The following CACNB2 variants were observed in gnomAD, a reference collection of about 807,000 sequenced individuals.
CACNB2 encodes the protein calcium voltage-gated channel auxiliary subunit beta 2.
A neutral mutation model predicts 73.3 loss-of-function variants in CACNB2; 42 were observed. The ratio of observed to expected loss-of-function variants is 0.57; its 90% confidence interval spans 0.45 to 0.74. The LOEUF (loss-of-function observed/expected upper bound fraction) is 0.74. Ranked by LOEUF, CACNB2 falls within the 30% of genes least tolerant of loss-of-function variation. CACNB2 has a pLI of 0.00. For missense variants in CACNB2, 940 were observed against 853.0 expected, an observed-to-expected ratio of 1.10 and a Z score of -1.27; for synonymous variants, 348 against 310.3, an observed-to-expected ratio of 1.12 and a Z score of -1.28.
chr10:18,510,160 A>G (rs754997770), intron 6 of CACNB2, among the ~76,000 whole-genome samples: 2 of 152,186 alleles, frequency 1.3e-5, no homozygotes, highest in Non-Finnish European at 2.9e-5. Context: ...AAATGTCAGA[A>G]CTAGTACATT....
At chr10:18,276,804 C>T (rs1445177574) in intron 2 of CACNB2, among the ~76,000 whole-genome samples, 1 of 152,148 alleles carries the variant, frequency 6.6e-6, no homozygotes, top group African/African-American at 2.4e-5. Flanking sequence ...GTCTTGAACT[C>T]CTGACCTCAG....
chr10:18,269,329 T>C (rs375406486), intron 2 of CACNB2, among the ~76,000 whole-genome samples: 2 of 152,198 alleles, frequency 1.3e-5, no homozygotes, highest in African/African-American at 2.4e-5. Flanking sequence ...TCCCACTGTC[T>C]AAAACACTTT....
intron 2 of CACNB2, chr10:18,151,309 T>C: frequency 4.1e-6 from 1 of 243,356 alleles, no homozygotes; most frequent in Non-Finnish European, 7.8e-6. Flanking sequence ...AGAGCTGATG[T>C]GCATCTGTAT....
At chr10:18,154,796 A>C (rs774065930) in intron 2 of CACNB2, among the ~76,000 whole-genome samples, 3 of 152,170 alleles carry the variant, frequency 2.0e-5, no homozygotes, top group African/African-American at 7.2e-5. Flanking sequence ...CAAAAAGAGA[A>C]TGAGGTTGCA....
At chr10:18,536,963 A>T (rs1753886200) in intron 12 of CACNB2, among the ~76,000 whole-genome samples, 1 of 152,120 alleles carries the variant, frequency 6.6e-6, no homozygotes, top group Non-Finnish European at 1.5e-5. Flanking sequence ...CTTTACATGC[A>T]ATGCCTTGAG....
At chr10:18,443,004 A>ATGTG (rs1564554194) in intron 3 of CACNB2, among the ~76,000 whole-genome samples, 1 of 22,366 alleles carries the variant, frequency 4.5e-5, no homozygotes, top group East Asian at 1.7e-3. Context: ...ATATGTGTAT[A>ATGTG]TATATATATG....
At chr10:18,409,623 A>G (rs190078434) in intron 3 of CACNB2, among the ~76,000 whole-genome samples, 124 of 152,350 alleles carry the variant, frequency 8.1e-4, no homozygotes, top group African/African-American at 2.7e-3. Flanking sequence ...TAAGAGGAAG[A>G]CATTGTAAAG....
intron 2 of CACNB2, among the ~76,000 whole-genome samples, chr10:18,303,395 C>A (rs1359561696): frequency 6.6e-6 from 1 of 152,044 alleles, no homozygotes; most frequent in Non-Finnish European, 1.5e-5. Context: ...TTCCCAGCCG[C>A]TCAGGGGGCT....
intron 9 of CACNB2, among the ~76,000 whole-genome samples, chr10:18,521,193 A>T (rs1298314492): frequency 1.3e-5 from 2 of 152,248 alleles, no homozygotes; most frequent in African/African-American, 4.8e-5. Flanking sequence ...GCATATAAGT[A>T]AAAGGGCAAC....
intron 3 of CACNB2, among the ~76,000 whole-genome samples, chr10:18,449,277 C>T (rs540366418): frequency 1.3e-5 from 2 of 151,886 alleles, no homozygotes; most frequent in Non-Finnish European, 2.9e-5. Flanking sequence ...CCCAGCTACT[C>T]GGGAGGCTGA....
Position 18,414,377 on chromosome 10 carries a change from A to G in CACNB2, c.333+12334A>G, listed in dbSNP as rs577155871. Among the ~76,000 whole-genome samples the G allele has an allele frequency of 6.1e-4, 93 of 151,520 alleles. 2 individuals are homozygous for G. In the South Asian group the frequency reaches 0.018, roughly 30 times the overall value. The stretch of plus-strand genomic sequence containing the variant: ...TTGCTCTCTGTTTATTTATGGTTAT[A>G]TTTATCTTGGCAATCGACCTGTTAA... On this transcript the variant is annotated intron_variant, in intron 3 of 13. Coordinates refer to ENST00000324631, the MANE Select transcript of CACNB2 (RefSeq NM_201596.3).
chr10:18,399,008 G>A (rs1472931235), intron 2 of CACNB2, among the ~76,000 whole-genome samples: 1 of 152,096 alleles, frequency 6.6e-6, no homozygotes, highest in Non-Finnish European at 1.5e-5. Flanking sequence ...ATGCGACCGC[G>A]GGAATGAGAC....
At chr10:18,487,467 A>C (rs1433382396) in intron 3 of CACNB2, among the ~76,000 whole-genome samples, 1 of 152,178 alleles carries the variant, frequency 6.6e-6, no homozygotes, top group Non-Finnish European at 1.5e-5. Flanking sequence ...ATATATCAGT[A>C]ATAGTGCTGG....
At chr10:18,315,349 A>AAAC (rs1006224471) in intron 2 of CACNB2, among the ~76,000 whole-genome samples, 1 of 150,134 alleles carries the variant, frequency 6.7e-6, no homozygotes, top group Non-Finnish European at 1.5e-5. Context: ...AAACAAAACA[A>AAAC]AACAAAACAA....
chr10:18,151,011 T>A, intron 2 of CACNB2, 36 bp downstream of exon 2: 1 of 1,245,756 alleles, frequency 8.0e-7, no homozygotes, highest in Non-Finnish European at 1.2e-6. Flanking sequence ...GATAAGTACC[T>A]TAAAATGACT....
At chr10:18,385,653 A>AG (rs1193670737) in intron 2 of CACNB2, among the ~76,000 whole-genome samples, 57 of 151,888 alleles carry the variant, frequency 3.8e-4, no homozygotes, top group African/African-American at 1.3e-3. Flanking sequence ...CAAAAAAAAA[A>AG]AAAAAAAATT....
chr10:18,514,125 A>G, intron 6 of CACNB2, 111 bp from the exon 7 acceptor site: 2 of 1,088,498 alleles, frequency 1.8e-6, no homozygotes, highest in Non-Finnish European at 2.8e-6. Flanking sequence ...TGTGTTGAGC[A>G]CTCATGATAG....
intron 2 of CACNB2, among the ~76,000 whole-genome samples, chr10:18,249,652 G>A (rs1364295346): frequency 3.2e-4 from 49 of 152,190 alleles, no homozygotes. Context: ...ACCTCTAATG[G>A]GCGAGATGCT....
intron 2 of CACNB2, among the ~76,000 whole-genome samples, chr10:18,275,409 G>A (rs2038238768): frequency 6.6e-6 from 1 of 152,128 alleles, no homozygotes; most frequent in African/African-American, 2.4e-5. Flanking sequence ...ATACACACGT[G>A]GTTTTGAATA....
Sources: allele counts gnomAD v4.1 joint callset (sites outside exome capture counted in the v4.1 genomes callset), GRCh38; gene constraint gnomAD v4.1.1; transcripts MANE v1.5; gene names NCBI Gene and HGNC (gene_info 2026-07-23, HGNC 2026-07-21).